Variants in C16orf96 observed in about 807,000 individuals in gnomAD.
C16orf96 encodes uncharacterized protein C16orf96.
A neutral mutation model predicts 103.6 loss-of-function variants in C16orf96; 108 were observed. That is an observed-to-expected ratio of 1.04 (90% CI 0.89 to 1.22). C16orf96 has a LOEUF of 1.22. C16orf96 is among the 50% of genes most tolerant of loss of function. The pLI is 0.00. For synonymous variants in C16orf96, 566 were observed against 593.5 expected, an observed-to-expected ratio of 0.95 and a Z score of 0.67; for missense variants, 1,586 against 1,464.2, an observed-to-expected ratio of 1.08 and a Z score of -1.36.
At chr16:4,538,718 G>C in the C16orf96 span, 8 of 152,366 alleles carry the variant, frequency 5.3e-5, no homozygotes, top group African/African-American at 1.7e-4. Context: ...CGCAGCCCTG[G>C]GGCAGCGGCC....
intron 9 of C16orf96, among the ~76,000 whole-genome samples, chr16:4,590,576 A>ATAAT (rs1422842099): frequency 6.8e-6 from 1 of 147,630 alleles, no homozygotes; most frequent in Non-Finnish European, 1.5e-5. Context: ...AAATAAATAA[A>ATAAT]TAAATAAAAT....
intron 8 of C16orf96, among the ~76,000 whole-genome samples, chr16:4,587,923 A>G (rs1896966788): frequency 1.3e-5 from 2 of 152,122 alleles, no homozygotes; most frequent in South Asian, 4.1e-4. Context: ...GCAACCTTGA[A>G]CAAGATCCTG....
At position 4,587,055 on chromosome 16, in the gene C16orf96, T is replaced by A. The variant is rs1896943668; in HGVS notation, c.2369T>A (p.Ile790Asn). The A allele has an allele frequency of 1.3e-6, 2 of 1,551,528 alleles. No individual in the cohort carries two copies. Among genetic ancestry groups the A allele is most frequent in the African/African-American group, 2.7e-5 (2 of 73,148 alleles). ...TGTTCTTAGACTCTCCAGGCTCAAA[T>A]CAAAAGACTGGAAATGAACAAGGTG... The part of the protein sequence containing the change: ...MDEFKTLQAQ[I>N]KRLEMNKVNK... Residue 790 changes from isoleucine to asparagine, a missense_variant, in exon 8 of 16, where the codon ATC (isoleucine) becomes AAC (asparagine). Coordinates refer to ENST00000444310, the MANE Select transcript of C16orf96 (RefSeq NM_001145011.2).
chr16:4,541,023 C>A, the C16orf96 span, among the ~76,000 whole-genome samples: 2 of 151,806 alleles, frequency 1.3e-5, no homozygotes, highest in African/African-American at 2.4e-5. Context: ...AAGCAATTCT[C>A]CTGCCTCAGC....
chr16:4,540,755 C>G, the C16orf96 span, among the ~76,000 whole-genome samples: 1 of 147,252 alleles, frequency 6.8e-6, no homozygotes, highest in African/African-American at 2.5e-5. Flanking sequence ...ATTCTTCTTT[C>G]TTTTTTTTTT....
intron 7 of C16orf96, among the ~76,000 whole-genome samples, chr16:4,580,344 A>G (rs2059570362): frequency 8.3e-6 from 1 of 121,138 alleles, no homozygotes. Context: ...AAGGGCCGGG[A>G]CAATGTTCGT....
chr16:4,587,149 C>T, intron 8 of C16orf96, 36 bp downstream of exon 8: 2 of 1,521,124 alleles, frequency 1.3e-6, no homozygotes, highest in African/African-American at 1.4e-5. Context: ...TTCCCTGCTC[C>T]CCTACCCAGG....
rs1246118887 is a variant in C16orf96 at position 4,576,190 on chromosome 16, C to CGCCGCCGCT, written c.1719_1727dup (p.Ala575_Ala577dup). ...ACCGGCTGAAAACCACCGCTGCCAT[C>CGCCGCCGCT]GCCGCCGCTGCCGCCGCAGCCTACG... On this transcript the variant is annotated inframe_insertion, in exon 5 of 16. Coordinates refer to ENST00000444310, the MANE Select transcript of C16orf96 (RefSeq NM_001145011.2). The CGCCGCCGCT allele has an allele frequency of 3.9e-6, 6 of 1,550,466 alleles. No homozygotes were observed. Among genetic ancestry groups the CGCCGCCGCT allele is most frequent in the Admixed American group, 2.0e-5 (1 of 51,008 alleles).
At chr16:4,563,809 T>G (rs1567439558) in intron 1 of C16orf96, among the ~76,000 whole-genome samples, 2 of 148,482 alleles carry the variant, frequency 1.3e-5, no homozygotes, top group African/African-American at 5.0e-5. Flanking sequence ...GCTCAGGTGA[T>G]CCACCCGCCT....
In C16orf96 at chr16:4,575,004, C is replaced by G; in HGVS notation, c.639C>G (p.Pro213=). Residue 213 remains proline, a synonymous_variant, in exon 4 of 16, where the codon CCC becomes CCG. Coordinates refer to ENST00000444310, the MANE Select transcript of C16orf96 (RefSeq NM_001145011.2). ...TCCAGAATAAGTTTAAAACCATCCC[C>G]AAAACCGAGGACATGGTGCTCTGGA... The part of the protein sequence containing the change: ...ASLQNKFKTI[P]KTEDMVLWSG... 2.6e-6 allele frequency: 4 copies of G among 1,551,520 alleles called. No homozygotes were observed. The highest frequency in any genetic ancestry group is 3.5e-6 in the Non-Finnish European group (4 of 1,147,012).
chr16:4,585,650 T>C (rs1033251681), intron 7 of C16orf96, among the ~76,000 whole-genome samples: 1 of 152,068 alleles, frequency 6.6e-6, no homozygotes, highest in Non-Finnish European at 1.5e-5. Context: ...TTCCCTGCGG[T>C]TGCTGCGGCA....
At position 4,576,303 on chromosome 16, in the gene C16orf96, C is replaced by A. The variant is rs1466373199; in HGVS notation, c.1823C>A (p.Ala608Glu). The change falls in exon 5 of 16, where the codon GCA becomes GAA. Residue 608 changes from alanine to glutamate, a missense_variant. Ala to Glu is a moderately radical substitution (Grantham distance 107). Transcript: ENST00000444310. ...CCAGCCACCAAAATGGCCGCCATTG[C>A]AACAGACACGGCTGCAGCTGGGCCC... ...DAPATKMAAI[A>E]TDTAAAGPLG... is the part of the protein sequence containing the mutation. The A allele has an allele frequency of 6.4e-7, 1 of 1,550,824 alleles. No homozygotes were observed. Among genetic ancestry groups the A allele is most frequent in the East Asian group, 2.4e-5 (1 of 40,924 alleles).
chr16:4,555,311 C>T (rs1344274077), upstream of C16orf96, among the ~76,000 whole-genome samples: 12 of 107,648 alleles, frequency 1.1e-4, no homozygotes, highest in African/African-American at 2.5e-4. Flanking sequence ...CACACACACA[C>T]GAGAAAATGG....
chr16:4,559,725 C>T (rs1403980793), intron 1 of C16orf96, among the ~76,000 whole-genome samples: 2 of 152,100 alleles, frequency 1.3e-5, no homozygotes, highest in Non-Finnish European at 1.5e-5. Context: ...ATTTCCATCA[C>T]CCTGAAAGGA....
chr16:4,575,734 C>T lies in C16orf96; in HGVS notation c.1254C>T (p.Pro418=). The T allele has an allele frequency of 6.5e-7, 1 of 1,539,944 alleles. No individual in the cohort carries two copies. Among genetic ancestry groups the T allele is most frequent in the Non-Finnish European group, 8.8e-7 (1 of 1,141,714 alleles). Residue 418 remains proline (P), a synonymous_variant, in exon 5 of 16, where the codon CCC becomes CCT. Coordinates refer to ENST00000444310, the MANE Select transcript of C16orf96 (RefSeq NM_001145011.2). ...TAGGTGTCCTGCGGCCAACTCAGCC[C>T]CAACCCTCCAGGGCCCCACCACCAG... The part of the protein sequence containing the change: ...WDLGVLRPTQ[P]QPSRAPPPAT...
intron 15 of C16orf96, 70 bp from the exon 16 acceptor site, chr16:4,600,030 G>T (rs940340210): frequency 7.3e-6 from 10 of 1,375,426 alleles, no homozygotes; most frequent in African/African-American, 1.4e-5. Flanking sequence ...AGTGGGGATG[G>T]CCCCATCAGG....
At chr16:4,554,987 G>T (rs1375870545), upstream of C16orf96, among the ~76,000 whole-genome samples, 1 of 151,904 alleles carries the variant, frequency 6.6e-6, no homozygotes, top group Non-Finnish European at 1.5e-5. Flanking sequence ...ACTTGGCCAG[G>T]TGTGGTGGCT....
At chr16:4,544,437 A>G in the C16orf96 span, among the ~76,000 whole-genome samples, 2 of 152,120 alleles carry the variant, frequency 1.3e-5, no homozygotes, top group Non-Finnish European at 2.9e-5. Flanking sequence ...AAAACCCGGT[A>G]TCTACAAAAA....
At chr16:4,596,551 G>A (rs1055039389) in intron 14 of C16orf96, among the ~76,000 whole-genome samples, 1 of 151,220 alleles carries the variant, frequency 6.6e-6, no homozygotes, top group Non-Finnish European at 1.5e-5. Flanking sequence ...GCATGGTGGC[G>A]TGCGCCTGTA....
Sources: gnomAD v4.1 joint callset for allele counts (sites outside exome capture counted in the v4.1 genomes callset) on GRCh38, gnomAD v4.1.1 for gene constraint, MANE v1.5 for transcripts, NCBI Gene and HGNC (gene_info 2026-07-23, HGNC 2026-07-21) for gene names.